DST: variants seen among roughly 807,000 people sequenced by gnomAD.
DST encodes dystonin, also known as bullous pemphigoid antigen.
A neutral mutation model predicts 875.2 loss-of-function variants in DST; 253 were observed. The ratio of observed to expected loss-of-function variants is 0.29; its 90% CI spans 0.26 to 0.32. DST has a LOEUF of 0.32. Ranked by LOEUF, DST falls within the 10% of genes least tolerant of loss-of-function variation. The pLI is 1.00. For missense variants in DST, 8,287 were observed against 9,111.6 expected, an observed-to-expected ratio of 0.91 and a Z score of 3.68; for synonymous variants, 3,124 against 3,197.1, an observed-to-expected ratio of 0.98 and a Z score of 0.77.
chr6:56,672,565 C>T (rs56991168), intron 9 of DST, among the ~76,000 whole-genome samples: 28,128 of 151,904 alleles, frequency 0.19, 5,803 homozygotes, highest in African/African-American at 0.51. Flanking sequence ...TATTCTGGTC[C>T]AAAATTATGC....
At chr6:56,840,744 G>C (rs1392501664) in intron 4 of DST, among the ~76,000 whole-genome samples, 1 of 152,144 alleles carries the variant, frequency 6.6e-6, no homozygotes, top group South Asian at 2.1e-4. Flanking sequence ...TCTCAAGGCT[G>C]TCTGAAGACT....
At chr6:56,667,606 A>G (rs2099078299) in intron 10 of DST, among the ~76,000 whole-genome samples, 1 of 152,204 alleles carries the variant, frequency 6.6e-6, no homozygotes, top group African/African-American at 2.4e-5. Flanking sequence ...AAATAAAGCA[A>G]ACTAGGAAAA....
chr6:56,733,424 C>T (rs1377345354), intron 5 of DST, among the ~76,000 whole-genome samples: 1 of 152,182 alleles, frequency 6.6e-6, no homozygotes, highest in Admixed American at 6.5e-5. Flanking sequence ...CCTTCCAAGT[C>T]AATCCACCCT....
chr6:56,877,397 A>T (rs946020437), intron 3 of DST, among the ~76,000 whole-genome samples: 3 of 152,186 alleles, frequency 2.0e-5, no homozygotes, highest in African/African-American at 7.2e-5. Context: ...CTACTAAAAA[A>T]TACAAAAAAT....
rs980182436 is a variant in DST, at chr6:56,474,504, A to T, written c.21865-502T>A. 2.0e-5 allele frequency: 3 copies of T among 152,376 alleles called. 1 individual carries two copies. Among genetic ancestry groups the T allele is most frequent in the Admixed American group, 2.0e-4 (3 of 15,294 alleles). 9.4% of individuals were successfully genotyped at this position (152,376 alleles called of 1,614,324 possible). On this transcript the variant is annotated intron_variant, in intron 92 of 103. Transcript: ENST00000680361. ...GCTCCGTCTCAAAAATAAATAAATA[A>T]ATAAATAAAATGTTAATGCTTGTAA... is the stretch of plus-strand genomic sequence containing the variant.
chr6:56,584,952 T>A (rs1402600696), intron 49 of DST, among the ~76,000 whole-genome samples: 1 of 151,702 alleles, frequency 6.6e-6, no homozygotes, highest in African/African-American at 2.4e-5. Context: ...GCCCACTTGA[T>A]CATGGTGGAT....
chr6:56,700,232 C>A (rs4323308), intron 8 of DST, among the ~76,000 whole-genome samples: 1 of 152,174 alleles, frequency 6.6e-6, no homozygotes, highest in Non-Finnish European at 1.5e-5. Flanking sequence ...ACAACCCCCA[C>A]TCCTCCCACC....
intron 4 of DST, among the ~76,000 whole-genome samples, chr6:56,760,016 T>C (rs1003078835): frequency 2.0e-5 from 3 of 152,204 alleles, no homozygotes; most frequent in Admixed American, 2.0e-4. Flanking sequence ...TATCTCCTTA[T>C]ACCCACTCAA....
At chr6:56,497,750 CT>C (rs2095970309) in intron 81 of DST, 105 bp downstream of exon 81, 1 of 1,110,418 alleles carries the variant, frequency 9.0e-7, no homozygotes, top group South Asian at 1.7e-5. Context: ...TACTCCTCTC[CT>C]TAAGGTATAA....
chr6:56,794,667 A>G (rs374495754), intron 4 of DST, among the ~76,000 whole-genome samples: 2 of 152,148 alleles, frequency 1.3e-5, no homozygotes, highest in East Asian at 1.9e-4. Flanking sequence ...CCCTTGCCCA[A>G]CCCCCAGGAG....
intron 71 of DST, 144 bp downstream of exon 71, chr6:56,517,054 T>A: frequency 1.5e-6 from 1 of 674,682 alleles, no homozygotes; most frequent in Non-Finnish European, 2.6e-6. Flanking sequence ...TTCTATAAAC[T>A]TGAAAAATGC....
At chr6:56,722,590 G>A (rs554794994) in intron 5 of DST, among the ~76,000 whole-genome samples, 1 of 152,228 alleles carries the variant, frequency 6.6e-6, no homozygotes, top group Admixed American at 6.5e-5. Flanking sequence ...CACCATGTTG[G>A]TCAGGCTGGT....
chr6:56,754,600 C>G (rs1466508610), intron 4 of DST, among the ~76,000 whole-genome samples: 1 of 151,954 alleles, frequency 6.6e-6, no homozygotes, highest in East Asian at 1.9e-4. Flanking sequence ...GAAGATATAG[C>G]CCCTGAAAAG....
intron 22 of DST, among the ~76,000 whole-genome samples, chr6:56,638,054 G>A (rs947923082): frequency 6.6e-6 from 1 of 152,024 alleles, no homozygotes; most frequent in East Asian, 1.9e-4. Flanking sequence ...AGGACAGGCC[G>A]ATGGGATCAT....
At chr6:56,519,603 G>A (rs551469242) in intron 69 of DST, among the ~76,000 whole-genome samples, 2 of 152,258 alleles carry the variant, frequency 1.3e-5, no homozygotes, top group South Asian at 4.2e-4. Context: ...TCATCACTCA[G>A]TGTGTCACCA....
intron 5 of DST, among the ~76,000 whole-genome samples, chr6:56,721,003 C>A (rs888742460): frequency 6.8e-6 from 1 of 147,266 alleles, no homozygotes; most frequent in Non-Finnish European, 1.5e-5. Context: ...CCAGACGGGG[C>A]GGCTGCCGGG....
At chr6:56,736,276 C>T (rs1272242255) in intron 4 of DST, among the ~76,000 whole-genome samples, 1 of 152,138 alleles carries the variant, frequency 6.6e-6, no homozygotes, top group Non-Finnish European at 1.5e-5. Flanking sequence ...AGTGATCCTG[C>T]CCTGGTTCCT....
chr6:56,631,800 C>A (rs1587222771), intron 29 of DST, 83 bp downstream of exon 29: 1 of 1,325,490 alleles, frequency 7.5e-7, no homozygotes. Context: ...GTGTGCAAAA[C>A]TGAACATTAA....
In DST at chr6:56,463,152, A is replaced by G. The variant is rs375019954; in HGVS notation, c.22964T>C (p.Leu7655Pro). 101 of 1,596,598 alleles carry G rather than the reference A, an allele frequency of 6.3e-5. No homozygotes were observed. The African/African-American group carries it at 1.2e-3, about 19-fold the overall frequency. Residue 7655 changes from leucine to proline, a missense_variant, in exon 102 of 104, where the codon CTC becomes CCC. This residue lies in a region of DST where 240 missense variants were observed against 237.3 expected (regional missense o/e 1.01). Transcript: ENST00000680361. ...ACCATAATTGCGTGTTAAAGGATGG[A>G]GAATCTGTATGGAACAATGGCAAAT... ...QVPATTTPKI[L>P]HPLTRNYGKP...
Sources: allele counts gnomAD v4.1 joint callset (sites outside exome capture counted in the v4.1 genomes callset), GRCh38; gene constraint gnomAD v4.1.1; regional missense constraint gnomAD v4.1.1; transcripts MANE v1.5; gene names NCBI Gene and HGNC (gene_info 2026-07-23, HGNC 2026-07-21).